Variants in YME1L1 observed in about 807,000 individuals in gnomAD.
YME1L1 encodes ATP-dependent zinc metalloprotease YME1L1.
A neutral mutation model predicts 90.4 loss-of-function variants in YME1L1; 39 were observed. The ratio of observed to expected loss-of-function variants is 0.43; its 90% CI spans 0.33 to 0.56. YME1L1 has a LOEUF of 0.56. YME1L1 is among the 20% of genes least tolerant of loss of function. YME1L1 has a pLI of 0.03. For synonymous variants in YME1L1, 284 were observed against 287.3 expected (o/e 0.99, Z 0.12); for missense variants, 617 against 868.4 (o/e 0.71, Z 3.64).
chr10:27,135,166 G>A (rs1370219334), intron 5 of YME1L1, among the ~76,000 whole-genome samples, 185 bp from the exon 6 acceptor site: 1 of 152,134 alleles, frequency 6.6e-6, no homozygotes, highest in Non-Finnish European at 1.5e-5. Context: ...TCCCATTCCT[G>A]CATCAATCAA....
At chr10:27,113,672 CAAAAAAA>C (rs373714641) in intron 18 of YME1L1, among the ~76,000 whole-genome samples, 5 of 74,080 alleles carry the variant, frequency 6.7e-5, no homozygotes, top group African/African-American at 1.5e-4. Context: ...AACTCTGTCT[CAAAAAAA>C]AAAAAAAAAG....
In YME1L1 at chr10:27,148,877, T is replaced by G. The variant is rs967552532; in HGVS notation, c.168+29A>C. 7 of 1,612,032 alleles carry G rather than the reference T, an allele frequency of 4.3e-6. No individual in the cohort carries two copies. The African/African-American group carries it at 8.0e-5, about 18-fold the overall frequency. ...AGGGTCAACTGTATATCAAAAAGGC[T>G]TTCTCACACAACCAGGATAAAGACT... is the stretch of plus-strand genomic sequence containing the variant. On this transcript the variant is annotated intron_variant, in intron 2 of 18. Coordinates refer to ENST00000376016, the MANE Select transcript of YME1L1 (RefSeq NM_014263.4).
At chr10:27,144,574 T>C (rs867891540) in intron 3 of YME1L1, among the ~76,000 whole-genome samples, 5 of 152,170 alleles carry the variant, frequency 3.3e-5, no homozygotes, top group Admixed American at 6.5e-5. Flanking sequence ...ACCATACTGT[T>C]ATGAGATTCA....
chr10:27,154,094 T>C (rs2057278672), intron 1 of YME1L1, 84 bp downstream of exon 1: 1 of 1,511,874 alleles, frequency 6.6e-7, no homozygotes, highest in African/African-American at 1.4e-5. Context: ...GAGTCCCTTC[T>C]GAGAAATCGC....
rs548439117 is a variant in YME1L1 at position 27,123,448 on chromosome 10, T to A, written c.1102+99A>T. The A allele has an allele frequency of 1.4e-3, 1,965 of 1,395,636 alleles. 21 individuals carry two copies. Among genetic ancestry groups the A allele is most frequent in the East Asian group, 6.0e-3 (239 of 40,094 alleles). 86.5% of individuals were successfully genotyped at this position (1,395,636 alleles called of 1,614,324 possible). ...GCTGGAGGCCCCAAAAAATAGAAAT[T>A]AAAAAAAGGAAGAAAAAAAGTAATT... On this transcript the variant is annotated intron_variant, in intron 10 of 18. Coordinates refer to ENST00000376016, the MANE Select transcript of YME1L1 (RefSeq NM_014263.4).
Position 27,120,509 on chromosome 10 carries a change from G to GT in YME1L1, c.1336dup (p.Thr446AsnfsTer20). 1.2e-6 allele frequency: 2 copies of GT among 1,613,480 alleles called. No individual in the cohort carries two copies. The highest frequency in any genetic ancestry group is 1.7e-6 in the Non-Finnish European group (2 of 1,179,662). ...ACCTTTTACATCTGGCCTTGGAACT[G>GT]TAACTTGCATGTCAAAACGACCAGG... On this transcript the variant is annotated frameshift_variant, in exon 13 of 19. Coordinates refer to ENST00000376016, the MANE Select transcript of YME1L1 (RefSeq NM_014263.4). LOFTEE classifies it high-confidence loss of function.
chr10:27,129,926 C>T (rs1292118374), intron 8 of YME1L1, among the ~76,000 whole-genome samples: 2 of 152,152 alleles, frequency 1.3e-5, no homozygotes, highest in African/African-American at 4.8e-5. Context: ...TTTCCACAAC[C>T]CCCCACCTAA....
chr10:27,111,872 T>C lies in YME1L1; in HGVS notation c.*105A>G. 1 of 1,420,628 alleles carries C rather than the reference T, an allele frequency of 7.0e-7. No individual in the cohort carries two copies. The highest frequency in any genetic ancestry group is 9.9e-7 in the Non-Finnish European group (1 of 1,011,828). The allele number at this position is 1,420,628 out of a possible 1,614,324, so 88.0% of individuals were successfully genotyped here. On this transcript the variant is annotated 3_prime_UTR_variant, in exon 19 of 19. Transcript: ENST00000376016. ...TGACAAAGCATTTCACACCCTTCAA[T>C]TACACCACATCAAGAATGAGGGGAA...
At chr10:27,128,892 G>C (rs1336944808) in intron 8 of YME1L1, among the ~76,000 whole-genome samples, 2 of 152,008 alleles carry the variant, frequency 1.3e-5, no homozygotes, top group East Asian at 1.9e-4. Context: ...CTGGGTGATA[G>C]AGCCAGACCC....
chr10:27,117,520 A>G, intron 15 of YME1L1, 56 bp downstream of exon 15: 2 of 1,568,508 alleles, frequency 1.3e-6, no homozygotes, highest in Non-Finnish European at 1.7e-6. Context: ...GTGAGCTGAG[A>G]TCGCGCCATT....
intron 15 of YME1L1, among the ~76,000 whole-genome samples, chr10:27,116,937 C>A (rs2056819760): frequency 6.6e-6 from 1 of 152,078 alleles, no homozygotes; most frequent in Admixed American, 6.6e-5. Context: ...AGAATTTCAG[C>A]ACCGTAAGAC....
chr10:27,129,249 G>A (rs1564460883), intron 8 of YME1L1: 1 of 152,152 alleles, frequency 6.6e-6, no homozygotes, highest in Non-Finnish European at 1.5e-5. Context: ...CAAACACAAT[G>A]AGAAGGGCCC....
At chr10:27,112,891 G>A (rs2056772209) in intron 18 of YME1L1, among the ~76,000 whole-genome samples, 1 of 151,956 alleles carries the variant, frequency 6.6e-6, no homozygotes, top group Non-Finnish European at 1.5e-5. Context: ...TAGAGATGAG[G>A]TTTTGCCATG....
chr10:27,121,037 C>T (rs946826364), intron 12 of YME1L1, among the ~76,000 whole-genome samples: 1 of 152,162 alleles, frequency 6.6e-6, no homozygotes, highest in Non-Finnish European at 1.5e-5. Flanking sequence ...ACTTTTGTGA[C>T]ATATAACAAA....
rs371093240 is a variant in YME1L1 at position 27,112,066 on chromosome 10, T to G, written c.2062A>C (p.Asn688His). The change falls in exon 19 of 19, where the codon AAT becomes CAT. Residue 688 changes from asparagine to histidine, a missense_variant. This residue lies in a region of YME1L1 where 212 missense variants were observed against 330.0 expected (regional missense o/e 0.64). Coordinates refer to ENST00000376016, the MANE Select transcript of YME1L1 (RefSeq NM_014263.4). ...TAGGTCAATAAAGCTTCTGCGAGAT[T>G]CTTATGCTCCTTTGCATGAGTTTTC... ...ILKTHAKEHKNLAEALLTYET... is the reference protein window; with the variant it reads ...ILKTHAKEHKHLAEALLTYET... 60 of 1,614,006 alleles carry G rather than the reference T, an allele frequency of 3.7e-5. No homozygotes were observed. The highest frequency in any genetic ancestry group is 4.9e-5 in the Non-Finnish European group (58 of 1,180,022).
intron 4 of YME1L1, among the ~76,000 whole-genome samples, chr10:27,141,601 GAC>G (rs60043957): frequency 0.096 from 13,619 of 141,352 alleles, 667 homozygotes; most frequent in Admixed American, 0.15. Context: ...GATGTCCCTC[GAC>G]ACACACACAC....
intron 3 of YME1L1, among the ~76,000 whole-genome samples, chr10:27,143,339 C>A (rs1041646405): frequency 6.7e-6 from 1 of 150,254 alleles, no homozygotes; most frequent in East Asian, 2.0e-4. Context: ...ATTGCACTCC[C>A]GCCTGGGCAA....
At chr10:27,151,835 C>G (rs1312458044) in intron 1 of YME1L1, among the ~76,000 whole-genome samples, 1 of 150,588 alleles carries the variant, frequency 6.6e-6, no homozygotes, top group Non-Finnish European at 1.5e-5. Flanking sequence ...GAGCGGAGAT[C>G]GCGCCACTGC....
At chr10:27,138,760 G>C (rs761480525) in intron 4 of YME1L1, among the ~76,000 whole-genome samples, 1 of 151,086 alleles carries the variant, frequency 6.6e-6, no homozygotes, top group Non-Finnish European at 1.5e-5. Context: ...TCCTTCTTTT[G>C]ACTTACATAT....
Sources: allele counts gnomAD v4.1 joint callset (sites outside exome capture counted in the v4.1 genomes callset), GRCh38; gene constraint gnomAD v4.1.1; regional missense constraint gnomAD v4.1.1; transcripts MANE v1.5; gene names NCBI Gene and HGNC (gene_info 2026-07-23, HGNC 2026-07-21).